VRK1: variants seen among roughly 807,000 people sequenced by gnomAD.
VRK1 encodes the protein serine/threonine-protein kinase VRK1.
VRK1 carries 33 observed loss-of-function variants against 57.1 expected under a neutral mutation model. The ratio of observed to expected loss-of-function variants is 0.58; its 90% CI spans 0.44 to 0.77. The LOEUF (loss-of-function observed/expected upper bound fraction) is 0.77. Ranked by LOEUF, VRK1 falls within the 30% of genes least tolerant of loss-of-function variation. The probability of loss-of-function intolerance (pLI) is 0.00; values close to 1 mark genes in which losing one functional copy is unlikely to be tolerated. For synonymous variants in VRK1, 137 were observed against 147.8 expected (o/e 0.93, Z 0.53); for missense variants, 413 against 477.3 (o/e 0.87, Z 1.25).
intron 10 of VRK1, among the ~76,000 whole-genome samples, chr14:96,857,952 A>G (rs12434466): frequency 0.1 from 15,408 of 152,240 alleles, 2,589 homozygotes; most frequent in East Asian, 0.84. Flanking sequence ...TGAATGAAAT[A>G]TGTAACAATT....
intron 5 of VRK1, 112 bp from the exon 6 acceptor site, chr14:96,852,719 G>T: frequency 1.3e-6 from 1 of 774,324 alleles, no homozygotes. Flanking sequence ...CTTTTTTAAA[G>T]AATACTTCTT....
intron 1 of VRK1, among the ~76,000 whole-genome samples, chr14:96,829,250 A>G (rs1051527217): frequency 1.3e-5 from 2 of 149,934 alleles, no homozygotes; most frequent in Admixed American, 6.7e-5. Context: ...TGGACTGGGC[A>G]TGCTCATTGA....
Position 96,868,068 on chromosome 14 carries a change from A to G in VRK1, c.1068+7333A>G, listed in dbSNP as rs561170884. Among the ~76,000 whole-genome samples the G allele has an allele frequency of 8.5e-5, 13 of 152,268 alleles. No individual in the cohort carries two copies. The South Asian group carries it at 2.5e-3, about 29-fold the overall frequency. On this transcript the variant is annotated intron_variant, in intron 11 of 12. Coordinates refer to ENST00000216639, the MANE Select transcript of VRK1 (RefSeq NM_003384.3). ...AGTGTATACCTCAGTCAAAGTTGGA[A>G]TACCTATTTTCCTGTTAGTTTAATA...
chr14:96,808,700 GT>G (rs1367902633), intron 1 of VRK1, among the ~76,000 whole-genome samples: 1 of 138,662 alleles, frequency 7.2e-6, no homozygotes, highest in Non-Finnish European at 1.5e-5. Context: ...ACTCGATGTT[GT>G]GTCTGAGATT....
intron 1 of VRK1, among the ~76,000 whole-genome samples, chr14:96,811,171 T>A (rs1459869788): frequency 6.6e-6 from 1 of 152,118 alleles, no homozygotes; most frequent in African/African-American, 2.4e-5. Flanking sequence ...CCTCAAGTGA[T>A]CCACCCACCT....
chr14:96,864,714 T>A (rs751131460), intron 11 of VRK1, among the ~76,000 whole-genome samples: 1 of 152,192 alleles, frequency 6.6e-6, no homozygotes, highest in Non-Finnish European at 1.5e-5. Context: ...TACATTCTTA[T>A]CAGTAGCATG....
chr14:96,828,127 G>T (rs1431623175), intron 1 of VRK1, among the ~76,000 whole-genome samples: 1 of 148,586 alleles, frequency 6.7e-6, no homozygotes, highest in Non-Finnish European at 1.5e-5. Flanking sequence ...TGTTTGGTAT[G>T]TCCATCCGTC....
Position 96,881,221 on chromosome 14 carries a change from G to A in VRK1, c.*13G>A. ...AGTCCAGAAGTAATTCAGATGCTGT[G>A]AACCAGATTTCCTTTTCTTTGTTTT... On this transcript the variant is annotated 3_prime_UTR_variant, in exon 13 of 13. Coordinates refer to ENST00000216639, the MANE Select transcript of VRK1 (RefSeq NM_003384.3). 6.3e-7 allele frequency: 1 copy of A among 1,599,316 alleles called. No homozygotes were observed. The highest frequency in any genetic ancestry group is 8.5e-7 in the Non-Finnish European group (1 of 1,171,674).
chr14:96,851,854 C>CT (rs935949672), intron 5 of VRK1, among the ~76,000 whole-genome samples: 1 of 152,168 alleles, frequency 6.6e-6, no homozygotes, highest in Non-Finnish European at 1.5e-5. Flanking sequence ...GTTTTAAGTA[C>CT]TTACAGTAGT....
chr14:96,868,654 G>A (rs1410168831), intron 11 of VRK1, among the ~76,000 whole-genome samples: 1 of 152,132 alleles, frequency 6.6e-6, no homozygotes, highest in East Asian at 1.9e-4. Context: ...TCATATAAAT[G>A]TCTTGAATGG....
intron 11 of VRK1, among the ~76,000 whole-genome samples, chr14:96,869,095 G>A (rs995520872): frequency 2.6e-5 from 4 of 152,088 alleles, no homozygotes; most frequent in East Asian, 1.9e-4. Context: ...GCCCGGCCTC[G>A]TGTAAAAATG....
At chr14:96,799,556 G>A (rs543380373) in intron 1 of VRK1, among the ~76,000 whole-genome samples, 7 of 152,202 alleles carry the variant, frequency 4.6e-5, no homozygotes, top group South Asian at 4.1e-4. Flanking sequence ...GAAATGAAGC[G>A]AAGCTTTAAG....
rs1887908469 is a variant in VRK1, at chr14:96,850,565, T to C, written c.375-2266T>C. The stretch of plus-strand genomic sequence containing the variant: ...GTATGGTGACAAGATTAAGGTCTTA[T>C]TAAGAGTAGTGGTAGGGTGATTTGT... On this transcript the variant is annotated intron_variant, in intron 5 of 12. Coordinates refer to ENST00000216639, the MANE Select transcript of VRK1 (RefSeq NM_003384.3). Among the ~76,000 whole-genome samples, 5 of 152,330 alleles carry C rather than the reference T, an allele frequency of 3.3e-5. No homozygotes were observed. In the South Asian group the frequency reaches 1.0e-3, roughly 32 times the overall value.
intron 12 of VRK1, among the ~76,000 whole-genome samples, chr14:96,880,809 A>G (rs566069667): frequency 5.3e-5 from 8 of 152,312 alleles, no homozygotes; most frequent in African/African-American, 1.9e-4. Context: ...GTGAATGCTT[A>G]TCTATATTGC....
chr14:96,820,602 C>G (rs957729764), intron 1 of VRK1, among the ~76,000 whole-genome samples: 1 of 152,094 alleles, frequency 6.6e-6, no homozygotes, highest in African/African-American at 2.4e-5. Flanking sequence ...TGCTTTTTGT[C>G]TAACATCATT....
intron 12 of VRK1, 74 bp from the exon 13 acceptor site, chr14:96,881,103 A>G: frequency 1.7e-6 from 2 of 1,196,112 alleles, no homozygotes; most frequent in Non-Finnish European, 2.4e-6. Flanking sequence ...ATATTTAGGG[A>G]TATTTATATT....
chr14:96,864,259 A>G (rs901446617), intron 11 of VRK1, among the ~76,000 whole-genome samples: 3 of 151,090 alleles, frequency 2.0e-5, no homozygotes, highest in African/African-American at 7.3e-5. Context: ...TTACGTATGT[A>G]TAGAAAAGTA....
intron 3 of VRK1, among the ~76,000 whole-genome samples, chr14:96,845,198 A>G (rs1281092334): frequency 3.5e-5 from 2 of 56,674 alleles, no homozygotes; most frequent in Non-Finnish European, 3.6e-5. Flanking sequence ...TGAAGTTTTC[A>G]CTGCTTTAAA....
At chr14:96,823,219 TTC>T (rs1395592812) in intron 1 of VRK1, among the ~76,000 whole-genome samples, 2 of 152,258 alleles carry the variant, frequency 1.3e-5, no homozygotes, top group African/African-American at 4.8e-5. Context: ...GCATTATTTG[TTC>T]TTTTTATCTG....
Sources: gnomAD v4.1 joint callset for allele counts (sites outside exome capture counted in the v4.1 genomes callset) on GRCh38, gnomAD v4.1.1 for gene constraint, MANE v1.5 for transcripts, NCBI Gene and HGNC (gene_info 2026-07-23, HGNC 2026-07-21) for gene names.